Variants in KAZN observed in about 807,000 individuals in gnomAD.
The protein encoded by KAZN is kazrin, periplakin interacting protein.
KAZN carries 40 observed loss-of-function variants against 87.4 expected under a neutral mutation model. The observed-to-expected ratio is 0.46, with a 90% confidence interval of 0.36 to 0.60. The LOEUF (loss-of-function observed/expected upper bound fraction) is 0.60. Among genes scored for constraint, KAZN ranks in the 20% least tolerant of loss-of-function variants. The pLI, the probability that KAZN is intolerant of heterozygous loss-of-function variation, is 0.00. For synonymous variants in KAZN, 466 were observed against 458.3 expected (o/e 1.02, Z -0.22); for missense variants, 898 against 1,073.9 (o/e 0.84, Z 2.29).
chr1:15,086,862 G>A (rs759295987), intron 8 of KAZN, among the ~76,000 whole-genome samples: 5 of 152,228 alleles, frequency 3.3e-5, no homozygotes, highest in African/African-American at 9.6e-5. Flanking sequence ...CATTAAGGCC[G>A]TGGTTCTAGA....
chr1:14,848,045 T>G (rs867350676), intron 1 of KAZN, among the ~76,000 whole-genome samples: 40 of 152,274 alleles, frequency 2.6e-4, no homozygotes, highest in African/African-American at 8.7e-4. Context: ...GTTCAATGAA[T>G]AAATGAATGT....
At chr1:14,669,989 A>G (rs1442871346) in intron 1 of KAZN, among the ~76,000 whole-genome samples, 1 of 152,168 alleles carries the variant, frequency 6.6e-6, no homozygotes, top group Non-Finnish European at 1.5e-5. Flanking sequence ...TCTTTAAAAG[A>G]GAACAGCCAT....
intron 1 of KAZN, among the ~76,000 whole-genome samples, chr1:13,928,984 A>G (rs2100927387): frequency 6.6e-6 from 1 of 151,016 alleles, no homozygotes; most frequent in Non-Finnish European, 1.5e-5. Flanking sequence ...TCTGCTTTGT[A>G]AAATAGATTT....
chr1:14,321,702 G>T lies in KAZN; in HGVS notation c.249+141110G>T, dbSNP rs74338423. 0.011 allele frequency among the ~76,000 whole-genome samples: 1,613 copies of T among 152,242 alleles called. 130 individuals are homozygous for T. The East Asian group carries it at 0.23, about 21-fold the overall frequency. Reference sequence around the variant, plus strand: ...CCCCAGAGAGTTTCACTCAGAACCTGCCAGGAATTTCAAATGGCAGGTGGT... The same window carrying T: ...CCCCAGAGAGTTTCACTCAGAACCTTCCAGGAATTTCAAATGGCAGGTGGT... On this transcript the variant is annotated intron_variant, in intron 2 of 16. Transcript: ENST00000636203.
upstream of KAZN, among the ~76,000 whole-genome samples, chr1:14,598,330 C>A (rs1042306880): frequency 6.6e-6 from 1 of 152,176 alleles, no homozygotes; most frequent in Admixed American, 6.5e-5. The surrounding 1 kb of genome is among the most constrained non-coding windows in gnomAD (Gnocchi z 4.2). Flanking sequence ...TGGAGATCCA[C>A]CCCGGCTCCC....
chr1:14,950,543 G>T (rs572958027), intron 1 of KAZN, among the ~76,000 whole-genome samples: 7 of 152,290 alleles, frequency 4.6e-5, no homozygotes, highest in Admixed American at 4.6e-4. Flanking sequence ...GCATTTTCCA[G>T]CCTACACTGG....
intron 2 of KAZN, among the ~76,000 whole-genome samples, chr1:14,496,086 G>A (rs1052577733): frequency 2.0e-5 from 3 of 151,966 alleles, no homozygotes; most frequent in Admixed American, 2.0e-4. Flanking sequence ...TCACAGTCTC[G>A]CTTTTCACCG....
chr1:14,739,545 G>A (rs564168980), intron 1 of KAZN, among the ~76,000 whole-genome samples: 166 of 152,182 alleles, frequency 1.1e-3, no homozygotes, highest in African/African-American at 3.9e-3. Context: ...TGGCCGGGTG[G>A]GGAAATTCTA....
At chr1:14,458,684 C>A (rs1458387991) in intron 2 of KAZN, among the ~76,000 whole-genome samples, 1 of 152,130 alleles carries the variant, frequency 6.6e-6, no homozygotes, top group Non-Finnish European at 1.5e-5. Flanking sequence ...TTTACATTTG[C>A]TGGTGGCGTT....
At chr1:14,595,633 A>G (rs1211759598), upstream of KAZN, among the ~76,000 whole-genome samples, 2 of 145,592 alleles carry the variant, frequency 1.4e-5, no homozygotes, top group Admixed American at 6.9e-5. Context: ...GTGAGCTGAG[A>G]TGGCGCCACT....
chr1:13,951,866 A>G (rs1453062957), intron 1 of KAZN, among the ~76,000 whole-genome samples: 1 of 152,192 alleles, frequency 6.6e-6, no homozygotes, highest in Non-Finnish European at 1.5e-5. Context: ...CTTAAGACAC[A>G]TGATGCCAAG....
Position 15,048,149 on chromosome 1 carries a change from A to G in KAZN, c.726+3990A>G, listed in dbSNP as rs117480420. Among the ~76,000 whole-genome samples, 892 of 152,230 alleles carry G rather than the reference A, an allele frequency of 5.9e-3. 4 individuals carry two copies. Among genetic ancestry groups the G allele is most frequent in the South Asian group, 0.042 (204 of 4,826 alleles). On this transcript the variant is annotated intron_variant, in intron 4 of 14. Coordinates refer to ENST00000376030, the MANE Select transcript of KAZN (RefSeq NM_201628.3). ...GGATCCAGGCATCGTCCCTCCCCCC[A>G]TGTCCTGAGGAGCCAACTCTGGGCC...
intron 2 of KAZN, among the ~76,000 whole-genome samples, chr1:14,360,325 T>G (rs895021613): frequency 2.0e-5 from 3 of 152,230 alleles, no homozygotes; most frequent in African/African-American, 7.2e-5. Flanking sequence ...CTAGTTATTG[T>G]AGTTAGAAAT....
At chr1:14,253,786 G>A (rs889990207) in intron 2 of KAZN, among the ~76,000 whole-genome samples, 5 of 151,988 alleles carry the variant, frequency 3.3e-5, no homozygotes, top group African/African-American at 1.2e-4. Flanking sequence ...AATAGGCCTC[G>A]GACTTCCTTA....
intron 2 of KAZN, among the ~76,000 whole-genome samples, chr1:14,489,312 A>G (rs1322295879): frequency 1.3e-5 from 2 of 152,230 alleles, no homozygotes; most frequent in African/African-American, 4.8e-5. Flanking sequence ...ATCTGTATCT[A>G]TATAAATTGA....
At chr1:13,985,012 G>A (rs1638942324) in intron 1 of KAZN, among the ~76,000 whole-genome samples, 1 of 152,038 alleles carries the variant, frequency 6.6e-6, no homozygotes, top group Non-Finnish European at 1.5e-5. Context: ...TATAGGATAG[G>A]AGAGATGGAG....
intron 1 of KAZN, among the ~76,000 whole-genome samples, chr1:14,098,573 G>C (rs1214283097): frequency 3.9e-5 from 6 of 152,072 alleles, no homozygotes; most frequent in Non-Finnish European, 7.4e-5. Flanking sequence ...TTATATTTCT[G>C]CCTCTGGCTC....
intron 1 of KAZN, among the ~76,000 whole-genome samples, chr1:14,000,695 T>C (rs1639745548): frequency 6.6e-6 from 1 of 152,216 alleles, no homozygotes; most frequent in Non-Finnish European, 1.5e-5. Flanking sequence ...TTGGAAGTTC[T>C]GGCTGGGCAA....
In KAZN at chr1:15,060,283, G is replaced by T; in HGVS notation, c.1028G>T (p.Arg343Leu). The T allele has an allele frequency of 6.2e-7, 1 of 1,614,186 alleles. No individual in the cohort carries two copies. The highest frequency in any genetic ancestry group is 2.2e-5 in the East Asian group (1 of 44,884). The change falls in exon 6 of 15, where the codon CGG becomes CTG. Residue 343 changes from arginine (R) to leucine (L), a missense_variant. Transcript: ENST00000376030. ...TPSDINSPRH[R>L]THSLCNGDSP... ...AGCGACATCAACTCCCCTCGACACC[G>T]GACACACTCCCTCTGCAACGTAAGG...
Sources: allele counts gnomAD v4.1 joint callset (sites outside exome capture counted in the v4.1 genomes callset), GRCh38; gene constraint gnomAD v4.1.1; non-coding constraint Gnocchi (gnomAD v3.1); transcripts MANE v1.5; gene names NCBI Gene and HGNC (gene_info 2026-07-23, HGNC 2026-07-21).